The following RBMS3 variants were observed in gnomAD, a reference collection of about 807,000 sequenced individuals.
RBMS3 encodes the protein RNA-binding motif, single-stranded-interacting protein 3.
RBMS3 carries 27 observed loss-of-function variants against 66.8 expected under a neutral mutation model. That is an observed-to-expected ratio of 0.40 (90% CI 0.30 to 0.56). The LOEUF is 0.56. RBMS3 is among the 20% of genes least tolerant of loss of function. The pLI, the probability that RBMS3 is intolerant of heterozygous loss-of-function variation, is 0.40. For missense variants in RBMS3, 513 were observed against 549.5 expected (o/e 0.93, Z 0.66); for synonymous variants, 188 against 183.0 (o/e 1.03, Z -0.22).
intron 1 of RBMS3, among the ~76,000 whole-genome samples, chr3:29,284,314 A>C (rs994397743): frequency 5.9e-5 from 9 of 152,028 alleles, no homozygotes; most frequent in Non-Finnish European, 1.0e-4. Context: ...CTCTAAATTG[A>C]GGTAGGTTTT....
At position 29,446,906 on chromosome 3, in the gene RBMS3, C is replaced by CTTTTTT. The variant is rs11293530; in HGVS notation, c.248+12010_248+12015dup. Among the ~76,000 whole-genome samples the CTTTTTT allele has an allele frequency of 1.5e-4, 10 of 68,610 alleles. 1 individual carries two copies. Among genetic ancestry groups the CTTTTTT allele is most frequent in the Non-Finnish European group, 2.5e-4 (10 of 39,960 alleles). The allele number at this position is 68,610 out of a possible 152,430, so 45.0% of individuals were successfully genotyped here. A position where few individuals can be genotyped will look rare whatever the true frequency, so the allele number is the denominator to read the frequency against. On this transcript the variant is annotated intron_variant, in intron 2 of 14. Transcript: ENST00000383767. ...TTCTTCAATGCTTCCATTAAGCAGT[C>CTTTTTT]TTTTTTTTTTTTTTTTTTTTTTTTG...
chr3:29,669,932 C>G (rs2050925222), intron 4 of RBMS3, among the ~76,000 whole-genome samples: 1 of 152,150 alleles, frequency 6.6e-6, no homozygotes, highest in Non-Finnish European at 1.5e-5. Flanking sequence ...CACTGGTGTC[C>G]TTTGCCAAAC....
In RBMS3 at chr3:29,558,955, T is replaced by C. The variant is rs1304991119; in HGVS notation, c.308-28159T>C. ...GGAATTATTACATCATTTTAGTCACTGAAATAAACAGCCTTAAAGATTATT... is the reference window on the plus strand; with the variant it reads ...GGAATTATTACATCATTTTAGTCACCGAAATAAACAGCCTTAAAGATTATT... On this transcript the variant is annotated intron_variant, in intron 3 of 14. Transcript: ENST00000383767. Among the ~76,000 whole-genome samples the C allele has an allele frequency of 2.0e-5, 3 of 152,266 alleles. No homozygotes were observed. In the East Asian group the frequency reaches 5.8e-4, roughly 29 times the overall value.
intron 3 of RBMS3, among the ~76,000 whole-genome samples, chr3:29,517,324 T>G (rs779690302): frequency 5.0e-5 from 6 of 120,658 alleles, no homozygotes; most frequent in Non-Finnish European, 1.0e-4. Flanking sequence ...TATATATTTT[T>G]TTTTTGTTTT....
chr3:29,833,497 G>C (rs967240458), intron 6 of RBMS3, among the ~76,000 whole-genome samples: 3 of 152,058 alleles, frequency 2.0e-5, no homozygotes, highest in Non-Finnish European at 4.4e-5. Flanking sequence ...GAAATTATGA[G>C]CGAAACCAAC....
chr3:29,686,877 G>T lies in RBMS3; in HGVS notation c.400-52843G>T, dbSNP rs536197994. On this transcript the variant is annotated intron_variant, in intron 4 of 14. Coordinates refer to ENST00000383767, the MANE Select transcript of RBMS3 (RefSeq NM_001003793.3). Reference sequence around the variant, plus strand: ...ATTTCTATGTGTAACAAAACCTTAGGATTGTCAGAAATAAAGTCATTATTT... The same window carrying T: ...ATTTCTATGTGTAACAAAACCTTAGTATTGTCAGAAATAAAGTCATTATTT... 3.3e-5 allele frequency among the ~76,000 whole-genome samples: 5 copies of T among 152,006 alleles called. 1 individual carries two copies. The highest frequency in any genetic ancestry group is 1.2e-4 in the African/African-American group (5 of 41,448).
intron 6 of RBMS3, among the ~76,000 whole-genome samples, chr3:29,857,012 C>G (rs990092649): frequency 6.6e-6 from 1 of 152,176 alleles, no homozygotes; most frequent in Non-Finnish European, 1.5e-5. Flanking sequence ...AATACCATCT[C>G]AGGTCATTAC....
At chr3:29,403,001 C>G (rs1027205005) in intron 1 of RBMS3, among the ~76,000 whole-genome samples, 1 of 149,734 alleles carries the variant, frequency 6.7e-6, no homozygotes, top group Non-Finnish European at 1.5e-5. Context: ...GGTCCTGTAG[C>G]AACTGAAAAA....
intron 2 of RBMS3, among the ~76,000 whole-genome samples, chr3:29,463,776 C>T (rs2042448896): frequency 6.6e-6 from 1 of 152,132 alleles, no homozygotes; most frequent in Admixed American, 6.6e-5. Context: ...ACAGTCGACA[C>T]TCCCTGTTTC....
chr3:29,985,129 A>G (rs1698288200), intron 12 of RBMS3, among the ~76,000 whole-genome samples: 1 of 152,196 alleles, frequency 6.6e-6, no homozygotes, highest in South Asian at 2.1e-4. Flanking sequence ...CAGTCTGACT[A>G]TAGTGGCTTT....
chr3:29,434,911 C>T lies in RBMS3; in HGVS notation c.244C>T (p.Gln82Ter). 1 of 1,612,592 alleles carries T rather than the reference C, an allele frequency of 6.2e-7. No homozygotes were observed. Among genetic ancestry groups the T allele is most frequent in the Non-Finnish European group, 8.5e-7 (1 of 1,179,222 alleles). Residue 82 changes from glutamine to a stop codon, truncating the protein, a stop_gained, in exon 2 of 15, where the codon CAA (glutamine) becomes TAA (stop). Coordinates refer to ENST00000383767, the MANE Select transcript of RBMS3 (RefSeq NM_001003793.3). LOFTEE classifies it high-confidence loss of function. ...TGACCAGGACCTAATCAAGCTGTGC[C>T]AACCGTAAGTGTCCTTCTGCTGCCC... ...TTDQDLIKLC[Q>*]PYGKIVSTKA...
intron 2 of RBMS3, among the ~76,000 whole-genome samples, chr3:29,443,964 G>A (rs190979184): frequency 1.7e-3 from 255 of 152,252 alleles, no homozygotes; most frequent in African/African-American, 5.7e-3. Flanking sequence ...TTCAGAAAAT[G>A]AAAAGGATTG....
chr3:29,622,004 C>T lies in RBMS3; in HGVS notation c.399+34799C>T, dbSNP rs570168415. On this transcript the variant is annotated intron_variant, in intron 4 of 14. Coordinates refer to ENST00000383767, the MANE Select transcript of RBMS3 (RefSeq NM_001003793.3). ...AGGGATGAAATAAAAAATAAGATTT[C>T]GCTTCTGTGTTCTTCATTTATAAGA... 9.9e-5 allele frequency among the ~76,000 whole-genome samples: 15 copies of T among 152,176 alleles called. 1 individual carries two copies. Among genetic ancestry groups the T allele is most frequent in the Middle Eastern group, 6.8e-3 (2 of 294 alleles).
At chr3:29,446,863 C>T (rs6787860) in intron 2 of RBMS3, among the ~76,000 whole-genome samples, 96,657 of 148,386 alleles carry the variant, frequency 0.65, 31,629 homozygotes, top group East Asian at 0.72. Flanking sequence ...TTTTACATAG[C>T]ATATATTTAA....
intron 6 of RBMS3, among the ~76,000 whole-genome samples, chr3:29,848,130 G>T (rs1317671462): frequency 6.6e-6 from 1 of 152,138 alleles, no homozygotes; most frequent in African/African-American, 2.4e-5. Context: ...CTCAGTTTCT[G>T]TTGGACATTT....
chr3:29,817,391 G>C (rs560695685), intron 6 of RBMS3, among the ~76,000 whole-genome samples: 1 of 151,908 alleles, frequency 6.6e-6, no homozygotes, highest in South Asian at 2.1e-4. Flanking sequence ...TTTTAATAGA[G>C]ACAGGTTTTT....
chr3:29,813,279 A>G (rs2057778707), intron 6 of RBMS3, among the ~76,000 whole-genome samples: 1 of 152,102 alleles, frequency 6.6e-6, no homozygotes, highest in Non-Finnish European at 1.5e-5. Context: ...TTTACAACCA[A>G]TCCTGGAACA....
intron 12 of RBMS3, among the ~76,000 whole-genome samples, chr3:29,976,728 T>C (rs1363006414): frequency 3.3e-5 from 5 of 152,136 alleles, no homozygotes. Flanking sequence ...CAGATATTAC[T>C]AATTAATTAA....
chr3:29,397,053 T>A (rs2039584728), intron 1 of RBMS3, among the ~76,000 whole-genome samples: 1 of 152,220 alleles, frequency 6.6e-6, no homozygotes, highest in South Asian at 2.1e-4. Context: ...TGTGCATCAT[T>A]CATTTTCAAA....
Sources: allele counts gnomAD v4.1 joint callset (sites outside exome capture counted in the v4.1 genomes callset), GRCh38; gene constraint gnomAD v4.1.1; transcripts MANE v1.5; gene names NCBI Gene and HGNC (gene_info 2026-07-23, HGNC 2026-07-21).